The following PDE4D variants were observed in gnomAD, a reference collection of about 807,000 sequenced individuals.
PDE4D encodes the protein 3',5'-cyclic-AMP phosphodiesterase 4D.
PDE4D carries 24 observed loss-of-function variants against 87.4 expected under a neutral mutation model. The observed-to-expected ratio is 0.27, with a 90% CI of 0.20 to 0.39. PDE4D has a LOEUF of 0.39. Among genes scored for constraint, PDE4D ranks in the 10% least tolerant of loss-of-function variants. The probability of loss-of-function intolerance (pLI) is 1.00; values close to 1 mark genes in which losing one functional copy is unlikely to be tolerated. For missense variants in PDE4D, 714 were observed against 1,041.0 expected (o/e 0.69, Z 4.32); for synonymous variants, 384 against 383.2 (o/e 1.00, Z -0.02).
chr5:59,565,141 G>A (rs1028112395), intron 1 of PDE4D, among the ~76,000 whole-genome samples: 2 of 152,146 alleles, frequency 1.3e-5, no homozygotes, highest in African/African-American at 4.8e-5. Context: ...AAGGAGATGG[G>A]CTCCGCTTGG....
At chr5:60,348,004 A>T (rs1758874335) in intron 1 of PDE4D, among the ~76,000 whole-genome samples, 1 of 152,152 alleles carries the variant, frequency 6.6e-6, no homozygotes, top group Non-Finnish European at 1.5e-5. Flanking sequence ...TTAAATGGGC[A>T]TGACCTAAAT....
chr5:59,103,150 C>T (rs1771043546), intron 5 of PDE4D, among the ~76,000 whole-genome samples: 1 of 152,156 alleles, frequency 6.6e-6, no homozygotes, highest in Non-Finnish European at 1.5e-5. Context: ...CTTGCTCTTG[C>T]ATAAAGTTCA....
chr5:60,438,819 AT>A (rs944819224), intron 1 of PDE4D, among the ~76,000 whole-genome samples: 1 of 152,072 alleles, frequency 6.6e-6, no homozygotes, highest in South Asian at 2.1e-4. Context: ...ACAAAGTAGC[AT>A]TTTTTTTCCT....
At chr5:59,175,877 A>C (rs1211605813) in intron 5 of PDE4D, among the ~76,000 whole-genome samples, 2 of 139,122 alleles carry the variant, frequency 1.4e-5, no homozygotes, top group Non-Finnish European at 3.0e-5. Context: ...CAGTCCTCCC[A>C]CCTTGGTCTC....
chr5:60,344,585 A>G (rs1046058007), intron 1 of PDE4D, among the ~76,000 whole-genome samples: 1 of 152,156 alleles, frequency 6.6e-6, no homozygotes, highest in African/African-American at 2.4e-5. Context: ...CCTATAACCT[A>G]TGCAATAAAA....
chr5:59,019,512 G>A (rs1055046366), intron 6 of PDE4D, among the ~76,000 whole-genome samples: 14 of 152,162 alleles, frequency 9.2e-5, no homozygotes, highest in African/African-American at 2.9e-4. Flanking sequence ...ACCTGCCACT[G>A]GTCCTATAAT....
intron 1 of PDE4D, among the ~76,000 whole-genome samples, chr5:59,374,556 C>T (rs189429399): frequency 7.9e-4 from 120 of 152,118 alleles, no homozygotes; most frequent in African/African-American, 2.8e-3. Flanking sequence ...CCAAAGAGAC[C>T]TAGACTCCCA....
At chr5:60,367,451 CAAA>C (rs34724141) in intron 1 of PDE4D, among the ~76,000 whole-genome samples, 1 of 131,800 alleles carries the variant, frequency 7.6e-6, no homozygotes. Context: ...AACTCCATAT[CAAA>C]AAAAAAAAAA....
At chr5:59,120,609 A>G (rs1179093446) in intron 5 of PDE4D, among the ~76,000 whole-genome samples, 1 of 152,192 alleles carries the variant, frequency 6.6e-6, no homozygotes, top group African/African-American at 2.4e-5. Flanking sequence ...TACTGCTCAA[A>G]GCAATCTACA....
intron 1 of PDE4D, among the ~76,000 whole-genome samples, chr5:60,502,695 CA>C (rs1750141794): frequency 6.6e-6 from 1 of 152,142 alleles, no homozygotes; most frequent in Admixed American, 6.6e-5. Flanking sequence ...ATTGCCAAAA[CA>C]GCAGTGTCAA....
At chr5:59,096,062 T>G (rs1769647329) in intron 5 of PDE4D, among the ~76,000 whole-genome samples, 1 of 152,206 alleles carries the variant, frequency 6.6e-6, no homozygotes, top group Non-Finnish European at 1.5e-5. Flanking sequence ...AGCTTTTTTC[T>G]TCAAAGGAGA....
At chr5:60,354,321 CAG>C (rs1759434849) in intron 1 of PDE4D, among the ~76,000 whole-genome samples, 1 of 152,146 alleles carries the variant, frequency 6.6e-6, no homozygotes, top group Admixed American at 6.6e-5. Context: ...AAGTGTGTAA[CAG>C]AAAATGGCAA....
intron 1 of PDE4D, among the ~76,000 whole-genome samples, chr5:60,286,262 G>A (rs1327358268): frequency 1.3e-5 from 2 of 152,142 alleles, no homozygotes; most frequent in Non-Finnish European, 2.9e-5. Context: ...AAGCTGTAAA[G>A]TAATACCATT....
chr5:59,797,878 G>A (rs1554086732), intron 1 of PDE4D, among the ~76,000 whole-genome samples: 1 of 152,044 alleles, frequency 6.6e-6, no homozygotes, highest in Non-Finnish European at 1.5e-5. Flanking sequence ...GCAAGTAGGT[G>A]TTCAATAATT....
At chr5:59,544,438 G>C (rs558570504) in intron 1 of PDE4D, among the ~76,000 whole-genome samples, 1 of 152,250 alleles carries the variant, frequency 6.6e-6, no homozygotes, top group South Asian at 2.1e-4. Flanking sequence ...GAGGACTCAG[G>C]GGACAACGTG....
At chr5:59,836,356 G>A (rs1226938401) in intron 1 of PDE4D, among the ~76,000 whole-genome samples, 1 of 151,854 alleles carries the variant, frequency 6.6e-6, no homozygotes, top group Non-Finnish European at 1.5e-5. Flanking sequence ...TTTCTTTGGA[G>A]TAAAAACAAT....
chr5:59,619,885 G>T (rs1049040478), intron 1 of PDE4D, among the ~76,000 whole-genome samples: 1 of 152,162 alleles, frequency 6.6e-6, no homozygotes, highest in Non-Finnish European at 1.5e-5. Flanking sequence ...AGGGAGGAAG[G>T]CAGTAGGCAG....
intron 5 of PDE4D, among the ~76,000 whole-genome samples, chr5:59,168,726 T>C (rs1782282718): frequency 6.6e-6 from 1 of 152,096 alleles, no homozygotes; most frequent in African/African-American, 2.4e-5. Flanking sequence ...AGAAGAGAGA[T>C]GTCCCTAGGG....
intron 1 of PDE4D, among the ~76,000 whole-genome samples, chr5:60,404,361 T>C (rs1020430965): frequency 6.6e-6 from 1 of 152,166 alleles, no homozygotes; most frequent in Non-Finnish European, 1.5e-5. Context: ...TTAACCTGAA[T>C]GTAATTGAAA....
Sources: allele counts gnomAD v4.1 joint callset (sites outside exome capture counted in the v4.1 genomes callset), GRCh38; gene constraint gnomAD v4.1.1; transcripts MANE v1.5; gene names NCBI Gene and HGNC (gene_info 2026-07-23, HGNC 2026-07-21).